C1orf87: variants seen among roughly 807,000 people sequenced by gnomAD.
C1orf87 encodes the protein chromosome 1 open reading frame 87, also known as uncharacterized protein C1orf87.
Under a neutral mutation model 60.5 loss-of-function variants are expected in C1orf87, and 58 were observed. The observed-to-expected ratio is 0.96, with a 90% CI of 0.78 to 1.19. The LOEUF is 1.19. Ranked by LOEUF, C1orf87 falls within the 50% of genes most tolerant of loss-of-function variation. The pLI is 0.00. For synonymous variants in C1orf87, 236 were observed against 227.4 expected (o/e 1.04, Z -0.34); for missense variants, 673 against 638.6 (o/e 1.05, Z -0.58).
intron 11 of C1orf87, 99 bp downstream of exon 11, chr1:59,997,510 A>AT (rs1210352132): frequency 1.9e-6 from 2 of 1,043,152 alleles, no homozygotes; most frequent in Non-Finnish European, 2.8e-6. Flanking sequence ...TTATATATTA[A>AT]TTGTATCATT....
At chr1:60,004,020 T>A (rs1004935172) in intron 9 of C1orf87, among the ~76,000 whole-genome samples, 2 of 152,076 alleles carry the variant, frequency 1.3e-5, no homozygotes, top group African/African-American at 4.8e-5. Context: ...CGAGAACCCA[T>A]CCTCAACTAG....
In C1orf87 at chr1:60,025,400, CT is replaced by C. The variant is rs1645192030; in HGVS notation, c.1127del (p.Lys376AsnfsTer9). ...HQDLGYQNEI[K>X]WQNFVEMLTR... The stretch of plus-strand genomic sequence containing the variant: ...TCAGTTCTTAATAAGAGTTGACTTA[CT>C]TTATTTCATTTTGGTAACCCAAATC... On this transcript the variant is annotated frameshift_variant and splice_region_variant, in exon 8 of 12. Coordinates refer to ENST00000371201, the MANE Select transcript of C1orf87 (RefSeq NM_152377.3). LOFTEE classifies it high-confidence loss of function. The C allele has an allele frequency of 6.2e-7, 1 of 1,609,292 alleles. No individual in the cohort carries two copies. Among genetic ancestry groups the C allele is most frequent in the African/African-American group, 1.3e-5 (1 of 74,914 alleles).
intron 3 of C1orf87, among the ~76,000 whole-genome samples, chr1:60,044,715 G>A (rs539616474): frequency 3.9e-5 from 6 of 152,220 alleles, no homozygotes; most frequent in South Asian, 2.1e-4. Flanking sequence ...TGTTCCCCAC[G>A]TGTCAAAAAA....
At chr1:60,065,643 G>C (rs1488528872) in intron 2 of C1orf87, among the ~76,000 whole-genome samples, 1 of 152,024 alleles carries the variant, frequency 6.6e-6, no homozygotes, top group African/African-American at 2.4e-5. Flanking sequence ...GTTAATATTT[G>C]TGAAAAAGAA....
intron 10 of C1orf87, among the ~76,000 whole-genome samples, chr1:60,000,798 G>A (rs1313870776): frequency 2.0e-5 from 3 of 151,974 alleles, no homozygotes; most frequent in Non-Finnish European, 2.9e-5. Context: ...ACACCCAGAC[G>A]TATGCTACAA....
chr1:60,022,610 A>G (rs1438069691), intron 8 of C1orf87, among the ~76,000 whole-genome samples: 1 of 152,116 alleles, frequency 6.6e-6, no homozygotes. Flanking sequence ...AATTGTACAA[A>G]TAGATTTGTT....
At chr1:60,033,365 T>G in intron 7 of C1orf87, 111 bp downstream of exon 7, 1 of 1,008,678 alleles carries the variant, frequency 9.9e-7, no homozygotes, top group Non-Finnish European at 1.4e-6. Context: ...AACAACTGTG[T>G]AATGTAATCC....
intron 11 of C1orf87, among the ~76,000 whole-genome samples, chr1:59,994,087 T>C (rs1644946746): frequency 6.6e-6 from 1 of 152,192 alleles, no homozygotes; most frequent in Non-Finnish European, 1.5e-5. Context: ...TCAACTTCAT[T>C]GTACAGTATA....
At chr1:60,024,848 G>C (rs1645188002) in intron 8 of C1orf87, among the ~76,000 whole-genome samples, 1 of 152,180 alleles carries the variant, frequency 6.6e-6, no homozygotes, top group Non-Finnish European at 1.5e-5. Context: ...AGGTAGAATG[G>C]TAAGTCTAGT....
At chr1:60,027,450 G>A (rs973182949) in intron 7 of C1orf87, among the ~76,000 whole-genome samples, 17 of 152,146 alleles carry the variant, frequency 1.1e-4, no homozygotes, top group South Asian at 4.1e-4. Flanking sequence ...CGCTTCCTCT[G>A]GCCCTGCATG....
At chr1:60,045,627 G>C (rs1645360206) in intron 3 of C1orf87, among the ~76,000 whole-genome samples, 2 of 152,308 alleles carry the variant, frequency 1.3e-5, no homozygotes, top group South Asian at 4.1e-4. Context: ...AGCCCAGACA[G>C]TGTGTTATTT....
At chr1:60,029,107 C>T (rs1645218938) in intron 7 of C1orf87, among the ~76,000 whole-genome samples, 1 of 152,190 alleles carries the variant, frequency 6.6e-6, no homozygotes, top group South Asian at 2.1e-4. Flanking sequence ...CTCAATTATT[C>T]CTTTTCTGTT....
intron 9 of C1orf87, among the ~76,000 whole-genome samples, chr1:60,010,154 C>T (rs1413374987): frequency 6.6e-6 from 1 of 151,928 alleles, no homozygotes; most frequent in Non-Finnish European, 1.5e-5. Context: ...AGGGCTACCA[C>T]TAGAGAATGT....
At chr1:60,031,217 CT>C (rs1222438247) in intron 7 of C1orf87, among the ~76,000 whole-genome samples, 2 of 152,160 alleles carry the variant, frequency 1.3e-5, no homozygotes, top group Admixed American at 1.3e-4. Context: ...GTGATAGTGG[CT>C]GCTTCTTGTT....
At chr1:59,993,161 C>T (rs1644936604) in intron 11 of C1orf87, among the ~76,000 whole-genome samples, 1 of 152,126 alleles carries the variant, frequency 6.6e-6, no homozygotes, top group African/African-American at 2.4e-5. Context: ...GTCGAGGCTG[C>T]AGTGAGTTGT....
intron 3 of C1orf87, among the ~76,000 whole-genome samples, chr1:60,046,084 C>T (rs966441730): frequency 3.3e-5 from 5 of 151,266 alleles, no homozygotes; most frequent in Non-Finnish European, 7.4e-5. Context: ...TTCCTTCCTT[C>T]CTGCTTTTCT....
At chr1:60,012,804 T>C (rs1227978865) in intron 8 of C1orf87, among the ~76,000 whole-genome samples, 1 of 152,154 alleles carries the variant, frequency 6.6e-6, no homozygotes, top group Admixed American at 6.6e-5. Context: ...ATGGGGCATG[T>C]AAGTGACTTG....
intron 2 of C1orf87, among the ~76,000 whole-genome samples, chr1:60,062,128 G>A (rs1386953188): frequency 1.3e-5 from 2 of 152,084 alleles, no homozygotes; most frequent in Non-Finnish European, 2.9e-5. Context: ...TTTAGTTTCG[G>A]TAACATTCCC....
Position 59,997,703 on chromosome 1 carries a change from T to C in C1orf87, c.1386A>G (p.Pro462=), listed in dbSNP as rs1644972905. ...IRPVSQPFVN[P]AVKNKAEECE... ...ATTCCTCAGCCTTGTTCTTCACAGC[T>C]GGATTCACGAAGGGCTGGGAGACTG... Residue 462 remains proline (P), a synonymous_variant, in exon 11 of 12, where the codon CCA becomes CCG. Coordinates refer to ENST00000371201, the MANE Select transcript of C1orf87 (RefSeq NM_152377.3). The C allele has an allele frequency of 4.3e-6, 7 of 1,614,004 alleles. No homozygotes were observed. The East Asian group carries it at 1.6e-4, about 36-fold the overall frequency.
Sources: gnomAD v4.1 joint callset for allele counts (sites outside exome capture counted in the v4.1 genomes callset) on GRCh38, gnomAD v4.1.1 for gene constraint, MANE v1.5 for transcripts, NCBI Gene and HGNC (gene_info 2026-07-23, HGNC 2026-07-21) for gene names.